Variants in RNPC3 observed in about 807,000 individuals in gnomAD.
The protein encoded by RNPC3 is RNA-binding region-containing protein 3.
In RNPC3, 48 loss-of-function variants were observed where a neutral mutation model predicts 67.5. That is an observed-to-expected ratio of 0.71 (90% CI 0.56 to 0.90). The LOEUF is 0.90. Ranked by LOEUF, RNPC3 falls within the 40% of genes least tolerant of loss-of-function variation. The pLI, the probability that RNPC3 is intolerant of heterozygous loss-of-function variation, is 0.00. For synonymous variants in RNPC3, 239 were observed against 210.3 expected (o/e 1.14, Z -1.18); for missense variants, 637 against 626.1 (o/e 1.02, Z -0.19).
At chr1:103,541,532 T>C in intron 8 of RNPC3, 57 bp downstream of exon 8, 1 of 1,395,678 alleles carries the variant, frequency 7.2e-7, no homozygotes, top group South Asian at 1.4e-5. Context: ...GTTTACTTGC[T>C]TAATTCACAT....
At position 103,530,499 on chromosome 1, in the gene RNPC3, C is replaced by G. The variant is rs372112842; in HGVS notation, c.240+2757C>G. On this transcript the variant is annotated intron_variant, in intron 2 of 14. Coordinates refer to ENST00000423855, the MANE Select transcript of RNPC3 (RefSeq NM_017619.4). ...ACGTTGTTCAAGGAAGCCACTGTGA[C>G]TGGAGCAGACATAGTGGGAGTGATC... 4.7e-4 allele frequency among the ~76,000 whole-genome samples: 72 copies of G among 152,270 alleles called. 1 individual carries two copies. Among genetic ancestry groups the G allele is most frequent in the Non-Finnish European group, 1.2e-4 (8 of 68,020 alleles).
intron 1 of RNPC3, among the ~76,000 whole-genome samples, chr1:103,527,039 A>T (rs984477780): frequency 2.0e-5 from 3 of 152,162 alleles, no homozygotes; most frequent in African/African-American, 7.2e-5. Flanking sequence ...AAAATTATAT[A>T]TGGCTCAATT....
chr1:103,538,492 T>A (rs1020920384), intron 7 of RNPC3, among the ~76,000 whole-genome samples: 1 of 152,278 alleles, frequency 6.6e-6, no homozygotes, highest in Middle Eastern at 3.4e-3. Flanking sequence ...TGACTGTGAG[T>A]CAATGTTAAT....
At chr1:103,533,319 G>A (rs1650906459) in intron 2 of RNPC3, among the ~76,000 whole-genome samples, 1 of 151,986 alleles carries the variant, frequency 6.6e-6, no homozygotes, top group South Asian at 2.1e-4. Context: ...GTGAGGTTAA[G>A]GAACAAGGAG....
At chr1:103,532,516 G>A (rs1169836329) in intron 2 of RNPC3, among the ~76,000 whole-genome samples, 1 of 152,054 alleles carries the variant, frequency 6.6e-6, no homozygotes, top group African/African-American at 2.4e-5. Context: ...TTATAAATTA[G>A]TGAATCATTA....
At chr1:103,533,978 A>AT (rs1247000077) in intron 3 of RNPC3, 121 bp downstream of exon 3, 7 of 638,744 alleles carry the variant, frequency 1.1e-5, no homozygotes, top group South Asian at 3.7e-5. Context: ...GGAATGACAG[A>AT]TTTTTCCATT....
At position 103,546,390 on chromosome 1, in the gene RNPC3, G is replaced by T. The variant is rs1303787298; in HGVS notation, c.1302+48G>T. On this transcript the variant is annotated intron_variant, in intron 11 of 14. Coordinates refer to ENST00000423855, the MANE Select transcript of RNPC3 (RefSeq NM_017619.4). ...TCATGTAAATGAAAATAATTTGAAG[G>T]TTTTATAGTTGATGTGTTAAAGTCT... 4 of 979,282 alleles carry T rather than the reference G, an allele frequency of 4.1e-6. No individual in the cohort carries two copies. In the East Asian group the frequency reaches 1.2e-4, roughly 28 times the overall value. The allele number at this position is 979,282 out of a possible 1,614,324, so 60.7% of individuals were successfully genotyped here. A position where few individuals can be genotyped will look rare whatever the true frequency, so the allele number is the denominator to read the frequency against.
chr1:103,549,447 A>T (rs1434813837), intron 12 of RNPC3, among the ~76,000 whole-genome samples: 1 of 152,024 alleles, frequency 6.6e-6, no homozygotes, highest in East Asian at 1.9e-4. Flanking sequence ...ATGCCAAAAT[A>T]TATTTTTTCT....
chr1:103,547,184 G>C (rs991313862), intron 12 of RNPC3, 149 bp downstream of exon 12: 8 of 502,738 alleles, frequency 1.6e-5, no homozygotes, highest in Non-Finnish European at 2.4e-5. Context: ...TCTTTTAGAT[G>C]TCTAGAATAG....
Position 103,526,218 on chromosome 1 carries a change from T to G in RNPC3, c.148T>G (p.Phe50Val). ...AEEKEDLLKY[F>V]GAQSVRVLSD... ...GGAGAAAGAGGACTTGCTGAAGTAC[T>G]TCGGGGCTCAGTCTGTGCGGGTCCT... Residue 50 changes from phenylalanine to valine, a missense_variant, in exon 1 of 15, where the codon TTC (phenylalanine) becomes GTC (valine). This residue lies in a region of RNPC3 where 536 missense variants were observed against 500.3 expected (regional missense o/e 1.07). Transcript: ENST00000423855. The G allele has an allele frequency of 6.4e-7, 1 of 1,551,316 alleles. No individual in the cohort carries two copies.
intron 14 of RNPC3, chr1:103,552,010 G>A (rs1651403058): frequency 5.6e-6 from 2 of 355,348 alleles, no homozygotes; most frequent in South Asian, 1.3e-4. Context: ...ATCTTATAAG[G>A]GGAGTGTGCC....
chr1:103,547,963 C>G, intron 12 of RNPC3, among the ~76,000 whole-genome samples: 1 of 152,184 alleles, frequency 6.6e-6, no homozygotes, highest in East Asian at 1.9e-4. Context: ...CATGTGGGAG[C>G]TGCCAAGGCT....
chr1:103,540,753 A>G (rs1651106957), intron 7 of RNPC3, among the ~76,000 whole-genome samples: 2 of 152,176 alleles, frequency 1.3e-5, no homozygotes, highest in Admixed American at 6.5e-5. Context: ...CCTAGACAAG[A>G]TCTATCTTTA....
Position 103,526,314 on chromosome 1 carries a change from G to A in RNPC3, c.192+52G>A, listed in dbSNP as rs945996228. Reference sequence around the variant, plus strand: ...CCGGGAAGGCATTTGGGAAGTGACCGGGGAGGGGGAGCGCTGACAAGAGTA... The same window carrying A: ...CCGGGAAGGCATTTGGGAAGTGACCAGGGAGGGGGAGCGCTGACAAGAGTA... On this transcript the variant is annotated intron_variant, in intron 1 of 14. Coordinates refer to ENST00000423855, the MANE Select transcript of RNPC3 (RefSeq NM_017619.4). The A allele has an allele frequency of 5.6e-6, 8 of 1,426,290 alleles. No individual in the cohort carries two copies. In the African/African-American group the frequency reaches 8.7e-5, roughly 15 times the overall value. 88.4% of individuals were successfully genotyped at this position (1,426,290 alleles called of 1,614,324 possible).
At chr1:103,550,878 C>G (rs985788001) in intron 12 of RNPC3, 63 bp from the exon 13 acceptor site, 1 of 1,509,366 alleles carries the variant, frequency 6.6e-7, no homozygotes, top group African/African-American at 1.4e-5. Context: ...TTAGATTATT[C>G]AACACATTTT....
Position 103,537,461 on chromosome 1 carries a change from C to T in RNPC3, c.744C>T (p.Ser248=), listed in dbSNP as rs1311367754. The T allele has an allele frequency of 2.6e-6, 4 of 1,536,140 alleles. No homozygotes were observed. The highest frequency in any genetic ancestry group is 8.7e-7 in the Non-Finnish European group (1 of 1,146,448). The change falls in exon 7 of 15, where the codon AGC becomes AGT. Residue 248 remains serine, a synonymous_variant. Coordinates refer to ENST00000423855, the MANE Select transcript of RNPC3 (RefSeq NM_017619.4). ...CTAGTGAAGAATCAGAATATGAAAG[C>T]ACTGATGATGAGGACCGACAGAGGT... ...ELSSEESEYE[S]TDDEDRQRMN...
intron 12 of RNPC3, among the ~76,000 whole-genome samples, chr1:103,547,607 A>G (rs373983064): frequency 1.3e-5 from 2 of 152,218 alleles, no homozygotes; most frequent in Non-Finnish European, 2.9e-5. Context: ...CTTTCAATGC[A>G]TCATCCAGGA....
At position 103,541,402 on chromosome 1, in the gene RNPC3, A is replaced by G. The variant is rs955912848; in HGVS notation, c.820A>G (p.Ile274Val). The G allele has an allele frequency of 3.3e-6, 5 of 1,508,616 alleles. No homozygotes were observed. Among genetic ancestry groups the G allele is most frequent in the South Asian group, 2.5e-5 (2 of 80,088 alleles). 93.5% of individuals were successfully genotyped at this position (1,508,616 alleles called of 1,614,324 possible). A position where few individuals can be genotyped will look rare whatever the true frequency, so the allele number is the denominator to read the frequency against. Residue 274 changes from isoleucine to valine, a missense_variant, in exon 8 of 15, where the codon ATA (isoleucine) becomes GTA (valine). Around this residue, in one of 3 missense-constraint regions of RNPC3, gnomAD observed 536 missense variants for 500.3 expected, o/e 1.07. Transcript: ENST00000423855. ...ANLQPKRPKT[I>V]KQRHVRKKRK... ...TCTTCAGCCCAAAAGACCTAAAACAATAAAGCAGCGCCATGTGAGAAAAAA... is the reference window on the plus strand; with the variant it reads ...TCTTCAGCCCAAAAGACCTAAAACAGTAAAGCAGCGCCATGTGAGAAAAAA...
Position 103,543,371 on chromosome 1 carries a change from C to A in RNPC3, c.969C>A (p.Phe323Leu). Residue 323 changes from phenylalanine (F) to leucine (L), a missense_variant, in exon 9 of 15, where the codon TTC becomes TTA. Phe to Leu is a conservative substitution (Grantham distance 22). This residue lies in a region of RNPC3 where 536 missense variants were observed against 500.3 expected (regional missense o/e 1.07). Coordinates refer to ENST00000423855, the MANE Select transcript of RNPC3 (RefSeq NM_017619.4). ...PQPVGNKRIE[F>L]HISTDMPAAF... ...CTGTAGGTAACAAAAGAATTGAATTCCATATATCTACCGACATGCCAGCTG... is the reference window on the plus strand; with the variant it reads ...CTGTAGGTAACAAAAGAATTGAATTACATATATCTACCGACATGCCAGCTG... 6.6e-7 allele frequency: 1 copy of A among 1,519,926 alleles called. No homozygotes were observed. The highest frequency in any genetic ancestry group is 8.8e-7 in the Non-Finnish European group (1 of 1,139,296). The allele number at this position is 1,519,926 out of a possible 1,614,324, so 94.2% of individuals were successfully genotyped here.
Sources: allele counts gnomAD v4.1 joint callset (sites outside exome capture counted in the v4.1 genomes callset), GRCh38; gene constraint gnomAD v4.1.1; regional missense constraint gnomAD v4.1.1; transcripts MANE v1.5; gene names NCBI Gene and HGNC (gene_info 2026-07-23, HGNC 2026-07-21).